The following MICAL1 variants were observed in gnomAD, a reference collection of about 807,000 sequenced individuals.
MICAL1 encodes [F-actin]-monooxygenase MICAL1.
In MICAL1, 95 loss-of-function variants were observed where a neutral mutation model predicts 131.8. That is an observed-to-expected ratio of 0.72 (90% CI 0.61 to 0.86). MICAL1 has a LOEUF of 0.86. Among genes scored for constraint, MICAL1 ranks in the 40% least tolerant of loss-of-function variants. MICAL1 has a pLI of 0.00. For missense variants in MICAL1, 1,292 were observed against 1,380.6 expected, an observed-to-expected ratio of 0.94 and a Z score of 1.02; for synonymous variants, 546 against 554.2, an observed-to-expected ratio of 0.99 and a Z score of 0.21.
At chr6:109,458,658 C>T (rs1402038094), upstream of MICAL1, among the ~76,000 whole-genome samples, 1 of 152,268 alleles carries the variant, frequency 6.6e-6, no homozygotes, top group East Asian at 1.9e-4. Flanking sequence ...TAGCAGTAGC[C>T]TAGGTTAAAA....
Position 109,448,133 on chromosome 6 carries a change from TCACACA to T in MICAL1, c.1855+64_1855+69del, listed in dbSNP as rs3054663. 3,162 of 1,429,392 alleles carry T rather than the reference TCACACA, an allele frequency of 2.2e-3. 7 individuals are homozygous for T. The highest frequency in any genetic ancestry group is 4.7e-3 in the Admixed American group (252 of 54,126). 88.5% of individuals were successfully genotyped at this position (1,429,392 alleles called of 1,614,324 possible). A position where few individuals can be genotyped will look rare whatever the true frequency, so the allele number is the denominator to read the frequency against. ...ACACACACACCGCCTTCTCCCTCTG[TCACACA>T]CACACACACACACACACACACCTCC... On this transcript the variant is annotated intron_variant, in intron 13 of 24. Coordinates refer to ENST00000358807, the MANE Select transcript of MICAL1 (RefSeq NM_022765.4).
At chr6:109,448,470 G>T (rs1373854417) in intron 12 of MICAL1, 77 bp from the exon 13 acceptor site, 6 of 1,527,138 alleles carry the variant, frequency 3.9e-6, no homozygotes, top group Non-Finnish European at 5.4e-6. Context: ...CAGCAGGAGG[G>T]GAGGGACAGC....
chr6:109,445,899 C>T lies in MICAL1; in HGVS notation c.2582-37G>A, dbSNP rs558273891. On this transcript the variant is annotated intron_variant, in intron 19 of 24. Coordinates refer to ENST00000358807, the MANE Select transcript of MICAL1 (RefSeq NM_022765.4). Reference sequence around the variant, plus strand: ...AACTGAGACGTTCTACTGCCTCCAGCGCCTGCCCCAGTCAGGCAACAAAGA... The same window carrying T: ...AACTGAGACGTTCTACTGCCTCCAGTGCCTGCCCCAGTCAGGCAACAAAGA... 1.0e-4 allele frequency: 160 copies of T among 1,575,652 alleles called. 1 individual carries two copies. In the South Asian group the frequency reaches 1.5e-3, roughly 15 times the overall value.
chr6:109,455,721 G>A lies in MICAL1; in HGVS notation c.-46C>T. The A allele has an allele frequency of 1.0e-6, 1 of 983,690 alleles. No individual in the cohort carries two copies. The highest frequency in any genetic ancestry group is 4.7e-5 in the South Asian group (1 of 21,266). The allele number at this position is 983,690 out of a possible 1,614,324, so 60.9% of individuals were successfully genotyped here. ...GCCGGCTCCGCTGGACGACTTACCGGCGGCTCCGAAGCCGGGAGGGGCCGC... is the reference window on the plus strand; with the variant it reads ...GCCGGCTCCGCTGGACGACTTACCGACGGCTCCGAAGCCGGGAGGGGCCGC... On this transcript the variant is annotated splice_region_variant and 5_prime_UTR_variant, in exon 1 of 25. Coordinates refer to ENST00000358807, the MANE Select transcript of MICAL1 (RefSeq NM_022765.4). This position sits in a 1 kb window ranked among gnomAD's most constrained non-coding sequence, Gnocchi z 4.7.
Position 109,449,712 on chromosome 6 carries a change from A to G in MICAL1, c.1379T>C (p.Leu460Pro), listed in dbSNP as rs1164507520. ...NMHRNVAQYG[L>P]DPATRYPNLN... is the part of the protein sequence containing the mutation. The stretch of plus-strand genomic sequence containing the variant: ...GTTGGGGTAGCGGGTGGCTGGGTCC[A>G]GCCCATACTGGGCCACATTGCGATG... The change falls in exon 10 of 25, where the codon CTG (leucine) becomes CCG (proline). Residue 460 changes from leucine to proline, a missense_variant. Physicochemically the swap from Leu to Pro is moderately conservative, Grantham distance 98. Coordinates refer to ENST00000358807, the MANE Select transcript of MICAL1 (RefSeq NM_022765.4). 6.3e-7 allele frequency: 1 copy of G among 1,597,960 alleles called. No individual in the cohort carries two copies.
At chr6:109,447,507 G>A in intron 15 of MICAL1, 67 bp from the exon 16 acceptor site, 1 of 1,551,910 alleles carries the variant, frequency 6.4e-7, no homozygotes, top group South Asian at 1.2e-5. Context: ...GATGCGTACA[G>A]ATGAACACAA....
upstream of MICAL1, among the ~76,000 whole-genome samples, chr6:109,456,441 C>T (rs1396493427): frequency 6.6e-6 from 1 of 152,108 alleles, no homozygotes; most frequent in Non-Finnish European, 1.5e-5. Flanking sequence ...GCAAAGGGCG[C>T]GGATTAAAGT....
chr6:109,455,771 C>A lies in MICAL1; in HGVS notation c.-96G>T. The A allele has an allele frequency of 2.0e-6, 1 of 491,760 alleles. No individual in the cohort carries two copies. The highest frequency in any genetic ancestry group is 2.3e-6 in the Non-Finnish European group (1 of 435,638). 30.5% of individuals were successfully genotyped at this position (491,760 alleles called of 1,614,324 possible). ...CTTCCTGTTGGGCTGGCAACCAGGT[C>A]TGAGCGGGTGGGAGGGCGGGGGCGG... On this transcript the variant is annotated 5_prime_UTR_variant, in exon 1 of 25. Coordinates refer to ENST00000358807, the MANE Select transcript of MICAL1 (RefSeq NM_022765.4). The surrounding 1 kb of genome is among the most constrained non-coding windows in gnomAD (Gnocchi z 4.7).
rs1376820909 is a variant in MICAL1 at position 109,444,750 on chromosome 6, C to G, written c.3030G>C (p.Glu1010Asp). 2 of 1,614,142 alleles carry G rather than the reference C, an allele frequency of 1.2e-6. No homozygotes were observed. The highest frequency in any genetic ancestry group is 1.7e-6 in the Non-Finnish European group (2 of 1,180,038). ...CTTCCCGGTTCATGTAGCCTCGTAG[C>G]TCCTGGTCCAGCTGCCACTGTTTCT... ...LEEKQWQLDQELRGYMNREEN... is the reference protein window; with the variant it reads ...LEEKQWQLDQDLRGYMNREEN... Residue 1010 changes from glutamate (E) to aspartate (D), a missense_variant, in exon 24 of 25, where the codon GAG becomes GAC. Physicochemically the swap from Glu to Asp is conservative, Grantham distance 45. Coordinates refer to ENST00000358807, the MANE Select transcript of MICAL1 (RefSeq NM_022765.4).
rs1322427708 is a variant in MICAL1, at chr6:109,447,215, G to T, written c.2085C>A (p.Asp695Glu). 2.5e-6 allele frequency: 4 copies of T among 1,614,070 alleles called. No homozygotes were observed. The highest frequency in any genetic ancestry group is 3.4e-6 in the Non-Finnish European group (4 of 1,179,942). Residue 695 changes from aspartate (D) to glutamate (E), a missense_variant, in exon 17 of 25, where the codon GAC (aspartate) becomes GAA (glutamate). Physicochemically the swap from Asp to Glu is conservative, Grantham distance 45. Transcript: ENST00000358807. ...PSQHQEAGAG[D>E]LCALCGEHLY... ...GGTGTTCCCCACAAAGTGCACACAG[G>T]TCCCCAGCACCGGCCTGCGTGGACC...
At chr6:109,457,449 T>G (rs1775781906), upstream of MICAL1, among the ~76,000 whole-genome samples, 1 of 152,172 alleles carries the variant, frequency 6.6e-6, no homozygotes, top group Admixed American at 6.5e-5. Flanking sequence ...TATACGAAGC[T>G]ATGTCTTGTT....
At chr6:109,458,208 T>A (rs994283559), upstream of MICAL1, among the ~76,000 whole-genome samples, 1 of 152,228 alleles carries the variant, frequency 6.6e-6, no homozygotes, top group African/African-American at 2.4e-5. Context: ...TGATTCAAAT[T>A]ATGTGTATGT....
chr6:109,451,615 C>T lies in MICAL1; in HGVS notation c.918G>A (p.Leu306=). 3 of 1,614,028 alleles carry T rather than the reference C, an allele frequency of 1.9e-6. No homozygotes were observed. In the African/African-American group the frequency reaches 4.0e-5, roughly 22 times the overall value. ...MTAKKQCLLR[L]GVLRQDWPDT... ...TGGGCCTCACCTGGCGCAGCACCCC[C>T]AGCCGCAGCAGGCACTGCTTCTTGG... Residue 306 remains leucine (L), a synonymous_variant, in exon 7 of 25, where the codon CTG becomes CTA. Transcript: ENST00000358807.
intron 12 of MICAL1, 137 bp downstream of exon 12, chr6:109,448,595 C>G (rs569253541): frequency 3.6e-6 from 5 of 1,383,592 alleles, no homozygotes; most frequent in African/African-American, 2.8e-5. Flanking sequence ...TCACAAAGCT[C>G]TCCACTATCT....
intron 11 of MICAL1, 123 bp downstream of exon 11, chr6:109,449,265 ACCAACCCACCAG>A: frequency 1.0e-6 from 1 of 989,274 alleles, no homozygotes; most frequent in Non-Finnish European, 1.6e-6. Context: ...CAGGCCCCCA[ACCAACCCACCAG>A]CCAACAATGA....
intron 13 of MICAL1, 46 bp downstream of exon 13, chr6:109,448,157 A>ACC (rs1775330047): frequency 7.3e-6 from 11 of 1,504,372 alleles, no homozygotes; most frequent in African/African-American, 1.5e-5. Flanking sequence ...ACACACACAC[A>ACC]CACCTCCCCA....
intron 11 of MICAL1, 172 bp from the exon 12 acceptor site, chr6:109,449,051 T>TC: frequency 1.2e-6 from 1 of 868,842 alleles, no homozygotes; most frequent in Non-Finnish European, 1.7e-6. Flanking sequence ...CAATTCTCTT[T>TC]TAAAAAAAAT....
upstream of MICAL1, among the ~76,000 whole-genome samples, chr6:109,459,052 C>T (rs1470209048): frequency 6.6e-6 from 1 of 152,144 alleles, no homozygotes; most frequent in Non-Finnish European, 1.5e-5. Context: ...ACAAAGCCTT[C>T]AGGCAGGAAA....
chr6:109,463,685 G>A (rs1716936318), intron 1 of MICAL1: 1 of 152,134 alleles, frequency 6.6e-6, no homozygotes. Context: ...GCATCCAAAT[G>A]GAGATGTGCA....
Sources: gnomAD v4.1 joint callset for allele counts (sites outside exome capture counted in the v4.1 genomes callset) on GRCh38, gnomAD v4.1.1 for gene constraint, Gnocchi (gnomAD v3.1) non-coding constraint, MANE v1.5 for transcripts, NCBI Gene and HGNC (gene_info 2026-07-23, HGNC 2026-07-21) for gene names.